The following PTPRJ variants were observed in gnomAD, a reference collection of about 807,000 sequenced individuals.
PTPRJ encodes protein tyrosine phosphatase receptor type J.
Under a neutral mutation model 141.3 loss-of-function variants are expected in PTPRJ, and 129 were observed. The observed-to-expected ratio is 0.91, with a 90% CI of 0.79 to 1.06. The LOEUF (loss-of-function observed/expected upper bound fraction) is 1.06. Among genes scored for constraint, PTPRJ ranks in the 50% least tolerant of loss-of-function variants. The pLI, the probability that PTPRJ is intolerant of heterozygous loss-of-function variation, is 0.00. For missense variants in PTPRJ, 1,601 were observed against 1,679.7 expected, an observed-to-expected ratio of 0.95 and a Z score of 0.82; for synonymous variants, 610 against 640.5, an observed-to-expected ratio of 0.95 and a Z score of 0.72.
chr11:48,121,473 C>A (rs1370783243), intron 4 of PTPRJ, among the ~76,000 whole-genome samples: 1 of 152,218 alleles, frequency 6.6e-6, no homozygotes, highest in Non-Finnish European at 1.5e-5. Flanking sequence ...GAAGTTCTAA[C>A]TACTTCTGTT....
At chr11:48,059,744 C>T (rs768186465) in intron 1 of PTPRJ, among the ~76,000 whole-genome samples, 10 of 152,142 alleles carry the variant, frequency 6.6e-5, no homozygotes, top group South Asian at 2.1e-4. Context: ...TCCTCCCAGC[C>T]GCCTGATGAG....
intron 1 of PTPRJ, among the ~76,000 whole-genome samples, chr11:48,107,197 G>T (rs1856314193): frequency 6.6e-6 from 1 of 151,930 alleles, no homozygotes; most frequent in Admixed American, 6.6e-5. Flanking sequence ...CCTGGAGGAG[G>T]ATCCTTGTGA....
intron 1 of PTPRJ, among the ~76,000 whole-genome samples, chr11:47,999,893 G>A (rs988795262): frequency 6.9e-6 from 1 of 145,688 alleles, no homozygotes; most frequent in Non-Finnish European, 1.5e-5. Flanking sequence ...GTCTCGCTCT[G>A]TCACCCAGGC....
chr11:48,152,915 TAA>T (rs1409650423), intron 18 of PTPRJ, among the ~76,000 whole-genome samples: 1 of 152,222 alleles, frequency 6.6e-6, no homozygotes, highest in Non-Finnish European at 1.5e-5. Flanking sequence ...TGCAGGCTTG[TAA>T]AGAGCCTATT....
Position 48,021,486 on chromosome 11 carries a change from T to C in PTPRJ, c.96+40478T>C, listed in dbSNP as rs189927274. ...TACGCAGGCCATTTCTAATAGATGT[T>C]ATGGAAGCCCCAGGTTTTGGGGCAT... On this transcript the variant is annotated intron_variant, in intron 1 of 24. Transcript: ENST00000418331. Among the ~76,000 whole-genome samples the C allele has an allele frequency of 7.9e-5, 12 of 152,180 alleles. No homozygotes were observed. In the East Asian group the frequency reaches 2.1e-3, roughly 27 times the overall value.
At chr11:47,997,624 G>T (rs1854378565) in intron 1 of PTPRJ, among the ~76,000 whole-genome samples, 1 of 152,148 alleles carries the variant, frequency 6.6e-6, no homozygotes, top group Non-Finnish European at 1.5e-5. Context: ...GTCTGGGTGG[G>T]AAAGGAACCC....
At chr11:48,119,655 C>T (rs577149361) in intron 3 of PTPRJ, among the ~76,000 whole-genome samples, 3 of 152,316 alleles carry the variant, frequency 2.0e-5, no homozygotes, top group South Asian at 2.1e-4. Context: ...CTGCCTGCCT[C>T]AGCCTCCCAA....
At chr11:48,096,854 C>T (rs1482589403) in intron 1 of PTPRJ, 1 of 154,780 alleles carries the variant, frequency 6.5e-6, no homozygotes, top group African/African-American at 2.4e-5. Context: ...TACCAAGTTC[C>T]CTGGATGGTT....
intron 1 of PTPRJ, among the ~76,000 whole-genome samples, chr11:48,010,937 A>G (rs557362094): frequency 2.7e-4 from 41 of 151,738 alleles, no homozygotes; most frequent in African/African-American, 9.2e-4. Context: ...GCTTCAGCCA[A>G]TTGAGTAGCT....
rs1295177479 is a variant in PTPRJ at position 48,136,903 on chromosome 11, C to CT, written c.1874-97dup. The CT allele has an allele frequency of 3.2e-6, 4 of 1,238,320 alleles. No homozygotes were observed. In the African/African-American group the frequency reaches 6.1e-5, roughly 19 times the overall value. 76.7% of individuals were successfully genotyped at this position (1,238,320 alleles called of 1,614,324 possible). On this transcript the variant is annotated intron_variant, in intron 9 of 24. Coordinates refer to ENST00000418331, the MANE Select transcript of PTPRJ (RefSeq NM_002843.4). ...CCAGCAAATACTAGTTTTATTCATTCTTTCTAAAACGAGCCAGGCTATTTT... is the reference window on the plus strand; with the variant it reads ...CCAGCAAATACTAGTTTTATTCATTCTTTTCTAAAACGAGCCAGGCTATTTT...
chr11:48,084,425 C>G (rs1855642568), intron 1 of PTPRJ, among the ~76,000 whole-genome samples: 1 of 152,194 alleles, frequency 6.6e-6, no homozygotes, highest in Admixed American at 6.5e-5. Flanking sequence ...CTCAAGTGAT[C>G]TACCCGCCTC....
chr11:47,988,509 C>T (rs1813156567), intron 1 of PTPRJ, among the ~76,000 whole-genome samples: 1 of 152,008 alleles, frequency 6.6e-6, no homozygotes, highest in Admixed American at 6.6e-5. Context: ...CCATGCCTGA[C>T]CATGACTAGT....
intron 18 of PTPRJ, among the ~76,000 whole-genome samples, chr11:48,153,254 GCTGGGCATGGTGGCTCACGC>G (rs1460543690): frequency 7.9e-6 from 1 of 126,640 alleles, no homozygotes; most frequent in Non-Finnish European, 1.9e-5. Context: ...GGAACTAGGG[GCTGGGCATGGTGGCTCACGC>G]CTGTAATCCC....
intron 8 of PTPRJ, chr11:48,132,727 A>G (rs934218906): frequency 3.2e-6 from 3 of 951,558 alleles, no homozygotes; most frequent in Middle Eastern, 5.4e-4. Flanking sequence ...GAAATGGGAC[A>G]GATTCCTTGA....
Position 48,112,871 on chromosome 11 carries a change from A to C in PTPRJ, c.240A>C (p.Glu80Asp). The change falls in exon 3 of 25, where the codon GAA becomes GAC. Residue 80 changes from glutamate to aspartate, a missense_variant. Transcript: ENST00000418331. ...ATGGAACTGGAACACCTCAGGTGGA[A>C]ACAAACACCAGTGAGGATGGTGAAA... is the stretch of plus-strand genomic sequence containing the variant. ...KQNGTGTPQV[E>D]TNTSEDGESS... The C allele has an allele frequency of 6.2e-7, 1 of 1,614,212 alleles. No individual in the cohort carries two copies. Among genetic ancestry groups the C allele is most frequent in the Non-Finnish European group, 8.5e-7 (1 of 1,180,032 alleles).
At chr11:48,086,800 T>G (rs1045545323) in intron 1 of PTPRJ, among the ~76,000 whole-genome samples, 3 of 152,214 alleles carry the variant, frequency 2.0e-5, no homozygotes, top group African/African-American at 7.2e-5. Flanking sequence ...AGAGCAGCAG[T>G]GCTTTAAAAA....
At chr11:47,991,898 C>T (rs899353026) in intron 1 of PTPRJ, among the ~76,000 whole-genome samples, 7 of 152,164 alleles carry the variant, frequency 4.6e-5, no homozygotes, top group Admixed American at 1.3e-4. Flanking sequence ...AAAAATCCCT[C>T]AACAGATATT....
chr11:47,998,851 G>T (rs1157638461), intron 1 of PTPRJ, among the ~76,000 whole-genome samples: 1 of 152,150 alleles, frequency 6.6e-6, no homozygotes. Flanking sequence ...CATGTAGGAG[G>T]TGCAGCTGCC....
At chr11:48,156,145 AT>A in intron 21 of PTPRJ, 26 bp downstream of exon 21, 2 of 1,520,216 alleles carry the variant, frequency 1.3e-6, no homozygotes, top group Middle Eastern at 1.7e-4. Flanking sequence ...AGTTTTTAAA[AT>A]TTAAAATTAC....
Sources: gnomAD v4.1 joint callset for allele counts (sites outside exome capture counted in the v4.1 genomes callset) on GRCh38, gnomAD v4.1.1 for gene constraint, MANE v1.5 for transcripts, NCBI Gene and HGNC (gene_info 2026-07-23, HGNC 2026-07-21) for gene names.